The following CREB3L2 variants were observed in gnomAD, a reference collection of about 807,000 sequenced individuals.
The protein encoded by CREB3L2 is cyclic AMP-responsive element-binding protein 3-like protein 2.
Under a neutral mutation model 57.2 loss-of-function variants are expected in CREB3L2, and 23 were observed. The ratio of observed to expected loss-of-function variants is 0.40; its 90% CI spans 0.29 to 0.57. The LOEUF is 0.57. Ranked by LOEUF, CREB3L2 falls within the 20% of genes least tolerant of loss-of-function variation. The pLI is 0.42. For synonymous variants in CREB3L2, 268 were observed against 265.1 expected, an observed-to-expected ratio of 1.01 and a Z score of -0.11; for missense variants, 628 against 634.7, an observed-to-expected ratio of 0.99 and a Z score of 0.11.
At chr7:137,950,236 G>A (rs1353849230) in intron 1 of CREB3L2, among the ~76,000 whole-genome samples, 2 of 152,176 alleles carry the variant, frequency 1.3e-5, no homozygotes, top group Non-Finnish European at 2.9e-5. Flanking sequence ...TGGGTCATAT[G>A]AGGGGTACTG....
At chr7:137,938,795 T>A (rs958805501) in intron 1 of CREB3L2, among the ~76,000 whole-genome samples, 3 of 152,208 alleles carry the variant, frequency 2.0e-5, no homozygotes, top group African/African-American at 7.2e-5. Flanking sequence ...ATGATCCACT[T>A]TCCCAAATGC....
At chr7:137,925,442 C>T (rs193069940) in intron 2 of CREB3L2, among the ~76,000 whole-genome samples, 1 of 152,306 alleles carries the variant, frequency 6.6e-6, no homozygotes, top group African/African-American at 2.4e-5. Flanking sequence ...AAGCTATTAT[C>T]ACCATGCAGC....
chr7:137,905,944 T>A, intron 5 of CREB3L2, 96 bp from the exon 6 acceptor site: 3 of 1,245,450 alleles, frequency 2.4e-6, no homozygotes. Flanking sequence ...TGTTACAATG[T>A]CTTACAGAAG....
At position 137,965,342 on chromosome 7, in the gene CREB3L2, C is replaced by T. The variant is rs181553165; in HGVS notation, c.102+36262G>A. Among the ~76,000 whole-genome samples, 193 of 152,282 alleles carry T rather than the reference C, an allele frequency of 1.3e-3. 1 individual carries two copies. The highest frequency in any genetic ancestry group is 2.9e-3 in the African/African-American group (119 of 41,564). On this transcript the variant is annotated intron_variant, in intron 1 of 11. Transcript: ENST00000330387. ...ACATGCGCACAAATATATTTACACT[C>T]GTTGAGGAAAACATGGCCAAAAAGA... is the stretch of plus-strand genomic sequence containing the variant.
chr7:137,894,229 G>A lies in CREB3L2; in HGVS notation c.1043+7125C>T, dbSNP rs555578341. 3.3e-5 allele frequency among the ~76,000 whole-genome samples: 5 copies of A among 152,324 alleles called. 1 individual carries two copies. The South Asian group carries it at 1.0e-3, about 32-fold the overall frequency. On this transcript the variant is annotated intron_variant, in intron 8 of 11. Coordinates refer to ENST00000330387, the MANE Select transcript of CREB3L2 (RefSeq NM_194071.4). ...GCTATAAAAGCAGTGGATTCTCCAA[G>A]CTCAGGCTTCCTTAGCTGTGACACA...
intron 1 of CREB3L2, among the ~76,000 whole-genome samples, chr7:137,939,160 G>A (rs1037042066): frequency 2.6e-5 from 4 of 152,118 alleles, no homozygotes; most frequent in African/African-American, 4.8e-5. Flanking sequence ...AAAATAATGC[G>A]AAGAAAATTT....
intron 7 of CREB3L2, among the ~76,000 whole-genome samples, 180 bp from the exon 8 acceptor site, chr7:137,901,602 C>T (rs560287472): frequency 5.9e-5 from 9 of 151,444 alleles, no homozygotes; most frequent in East Asian, 1.9e-4. Flanking sequence ...AAAAATAGGC[C>T]GGGCACGGTG....
intron 1 of CREB3L2, among the ~76,000 whole-genome samples, chr7:137,958,209 T>C (rs749501174): frequency 9.2e-5 from 14 of 152,296 alleles, no homozygotes; most frequent in Middle Eastern, 6.8e-3. Context: ...AGCCCAAGGC[T>C]ATGCGTAACA....
intron 1 of CREB3L2, among the ~76,000 whole-genome samples, chr7:137,964,916 G>T (rs1801384590): frequency 6.6e-6 from 1 of 151,970 alleles, no homozygotes; most frequent in Admixed American, 6.6e-5. Flanking sequence ...CTTTTGCTTG[G>T]CTCTCAATTA....
At chr7:137,889,969 T>TGGTA (rs1371185958) in intron 8 of CREB3L2, among the ~76,000 whole-genome samples, 1 of 152,178 alleles carries the variant, frequency 6.6e-6, no homozygotes, top group Non-Finnish European at 1.5e-5. Flanking sequence ...CATTCCAACA[T>TGGTA]GGTACAGCAT....
chr7:137,998,528 A>T (rs1802026829), intron 1 of CREB3L2, among the ~76,000 whole-genome samples: 1 of 152,226 alleles, frequency 6.6e-6, no homozygotes, highest in African/African-American at 2.4e-5. Context: ...ACAGCCTGAT[A>T]GGCAAGTACT....
intron 1 of CREB3L2, among the ~76,000 whole-genome samples, chr7:137,947,929 G>A (rs1475229005): frequency 1.3e-5 from 2 of 152,036 alleles, no homozygotes; most frequent in Non-Finnish European, 2.9e-5. Flanking sequence ...GCCTCCTCCG[G>A]CCCGACCTTC....
chr7:138,001,766 C>T lies in CREB3L2; in HGVS notation c.-61G>A, dbSNP rs1194500710. 5.6e-6 allele frequency: 7 copies of T among 1,246,944 alleles called. No individual in the cohort carries two copies. Among genetic ancestry groups the T allele is most frequent in the African/African-American group, 1.5e-5 (1 of 66,392 alleles). The allele number at this position is 1,246,944 out of a possible 1,614,324, so 77.2% of individuals were successfully genotyped here. A position where few individuals can be genotyped will look rare whatever the true frequency, so the allele number is the denominator to read the frequency against. On this transcript the variant is annotated 5_prime_UTR_variant, in exon 1 of 12. Transcript: ENST00000330387. The surrounding 1 kb of genome is among the most constrained non-coding windows in gnomAD (Gnocchi z 4.2). The stretch of plus-strand genomic sequence containing the variant: ...CGCAGGAGGGGACGCGCAGAGCTGC[C>T]TCGGACCGGCAAGGTTCCTCTCTCT...
chr7:137,936,203 T>C (rs879678752), intron 1 of CREB3L2, among the ~76,000 whole-genome samples: 3 of 152,258 alleles, frequency 2.0e-5, no homozygotes, highest in Admixed American at 6.5e-5. Flanking sequence ...TATCCCAAGG[T>C]GCAAAATGAG....
At chr7:137,930,085 G>A (rs975953774) in intron 1 of CREB3L2, among the ~76,000 whole-genome samples, 2 of 151,746 alleles carry the variant, frequency 1.3e-5, no homozygotes, top group Non-Finnish European at 2.9e-5. Context: ...TTGTAGTAGA[G>A]ACAGGGTTTC....
chr7:137,918,371 A>C (rs1279372694), intron 2 of CREB3L2, among the ~76,000 whole-genome samples: 1 of 152,050 alleles, frequency 6.6e-6, no homozygotes, highest in Non-Finnish European at 1.5e-5. Flanking sequence ...TTATATTTTT[A>C]GTAGAGACGG....
chr7:137,956,749 C>T lies in CREB3L2; in HGVS notation c.103-28383G>A, dbSNP rs10260416. On this transcript the variant is annotated intron_variant, in intron 1 of 11. Transcript: ENST00000330387. The stretch of plus-strand genomic sequence containing the variant: ...ATTCTTTGAGTTGGGCAAACATTTG[C>T]GATTGCTAGCATACAGCATAAGGCC... 7.5e-3 allele frequency: 5,339 copies of T among 715,774 alleles called. 145 individuals are homozygous for T. Among genetic ancestry groups the T allele is most frequent in the African/African-American group, 0.066 (3,619 of 55,120 alleles). 44.3% of individuals were successfully genotyped at this position (715,774 alleles called of 1,614,324 possible). A position where few individuals can be genotyped will look rare whatever the true frequency, so the allele number is the denominator to read the frequency against.
At chr7:137,912,375 C>CAA (rs1323783918) in intron 4 of CREB3L2, among the ~76,000 whole-genome samples, 24 of 69,774 alleles carry the variant, frequency 3.4e-4, no homozygotes, top group African/African-American at 6.4e-4. Context: ...GACTCTGTCT[C>CAA]AAAAAAAAAA....
At chr7:137,886,204 C>T (rs1273236150) in intron 8 of CREB3L2, among the ~76,000 whole-genome samples, 2 of 151,904 alleles carry the variant, frequency 1.3e-5, no homozygotes, top group African/African-American at 4.8e-5. Flanking sequence ...AAGAAAATGT[C>T]GATTAAAAGA....
Sources: allele counts gnomAD v4.1 joint callset (sites outside exome capture counted in the v4.1 genomes callset), GRCh38; gene constraint gnomAD v4.1.1; non-coding constraint Gnocchi (gnomAD v3.1); transcripts MANE v1.5; gene names NCBI Gene and HGNC (gene_info 2026-07-23, HGNC 2026-07-21).